EFNA5: variants seen among roughly 807,000 people sequenced by gnomAD.
EFNA5 encodes the protein ephrin-A5.
A neutral mutation model predicts 22.9 loss-of-function variants in EFNA5; 5 were observed. The ratio of observed to expected loss-of-function variants is 0.22; its 90% CI spans 0.11 to 0.46. The LOEUF (loss-of-function observed/expected upper bound fraction) is 0.46. Ranked by LOEUF, EFNA5 falls within the 20% of genes least tolerant of loss-of-function variation. EFNA5 has a pLI of 0.99. For synonymous variants in EFNA5, 113 were observed against 112.2 expected (o/e 1.01, Z -0.04); for missense variants, 237 against 293.3 (o/e 0.81, Z 1.40).
At chr5:107,603,496 G>T (rs992008325) in intron 1 of EFNA5, among the ~76,000 whole-genome samples, 1 of 152,096 alleles carries the variant, frequency 6.6e-6, no homozygotes, top group Non-Finnish European at 1.5e-5. Flanking sequence ...TGAACAATAC[G>T]CATGAACCAA....
chr5:107,576,387 TA>T (rs1748928445), intron 1 of EFNA5, among the ~76,000 whole-genome samples: 2 of 152,182 alleles, frequency 1.3e-5, no homozygotes, highest in Non-Finnish European at 2.9e-5. Flanking sequence ...AGAATGCTAT[TA>T]GGGGGCACCA....
chr5:107,633,357 T>C (rs1479843291), intron 1 of EFNA5, among the ~76,000 whole-genome samples: 3 of 152,200 alleles, frequency 2.0e-5, no homozygotes, highest in Non-Finnish European at 2.9e-5. Flanking sequence ...CCTGTCCCTT[T>C]CAGCATGGAC....
chr5:107,383,166 C>T (rs549673379), intron 4 of EFNA5, among the ~76,000 whole-genome samples: 1 of 152,272 alleles, frequency 6.6e-6, no homozygotes, highest in Admixed American at 6.5e-5. Flanking sequence ...ATTTTAGCCT[C>T]CCCTCGAATA....
At chr5:107,637,445 G>A (rs891925686) in intron 1 of EFNA5, among the ~76,000 whole-genome samples, 39 of 152,156 alleles carry the variant, frequency 2.6e-4, no homozygotes, top group African/African-American at 9.4e-4. Context: ...GCTTCAGAGA[G>A]AGAAAGCATA....
intron 1 of EFNA5, among the ~76,000 whole-genome samples, chr5:107,583,255 G>A (rs549065682): frequency 1.3e-5 from 2 of 152,226 alleles, no homozygotes; most frequent in South Asian, 4.1e-4. Context: ...CATCCTAAGA[G>A]AATGTCCAAA....
chr5:107,656,276 A>G (rs114388020), intron 1 of EFNA5, among the ~76,000 whole-genome samples: 1 of 152,300 alleles, frequency 6.6e-6, no homozygotes, highest in Non-Finnish European at 1.5e-5. Context: ...TACAAAGGAG[A>G]TTCAAAATCC....
intron 1 of EFNA5, among the ~76,000 whole-genome samples, chr5:107,468,528 T>C (rs1363875020): frequency 6.6e-6 from 1 of 152,206 alleles, no homozygotes; most frequent in African/African-American, 2.4e-5. Flanking sequence ...GCCAGGTGAC[T>C]GTCCTTAGAA....
At chr5:107,556,154 T>C (rs1436568832) in intron 1 of EFNA5, among the ~76,000 whole-genome samples, 1 of 152,220 alleles carries the variant, frequency 6.6e-6, no homozygotes, top group Non-Finnish European at 1.5e-5. Flanking sequence ...ATAAACATGC[T>C]ATCCCCATCA....
intron 1 of EFNA5, among the ~76,000 whole-genome samples, chr5:107,575,386 C>T (rs35433400): frequency 0.17 from 26,581 of 152,116 alleles, 3,026 homozygotes; most frequent in Non-Finnish European, 0.26. Context: ...AGGACACATA[C>T]CATGTATCCC....
chr5:107,448,527 G>A (rs1489025820), intron 1 of EFNA5, among the ~76,000 whole-genome samples: 1 of 151,952 alleles, frequency 6.6e-6, no homozygotes, highest in Non-Finnish European at 1.5e-5. Context: ...AGGAACATCG[G>A]AAGGTTAAAA....
chr5:107,395,034 C>CTTTTTTT lies in EFNA5; in HGVS notation c.419-7270_419-7264dup, dbSNP rs58619326. On this transcript the variant is annotated intron_variant, in intron 2 of 4. Coordinates refer to ENST00000333274, the MANE Select transcript of EFNA5 (RefSeq NM_001962.3). ...CCCCTTATAAGAAGGATTTCTAGTTCTTTTTTTTTTTTTTTTTTCCGCGAG... is the reference window on the plus strand; with the variant it reads ...CCCCTTATAAGAAGGATTTCTAGTTCTTTTTTTTTTTTTTTTTTTTTTTTTCCGCGAG... Among the ~76,000 whole-genome samples the CTTTTTTT allele has an allele frequency of 1.4e-4, 12 of 86,142 alleles. 2 individuals carry two copies. The highest frequency in any genetic ancestry group is 0.021 in the Middle Eastern group (2 of 96). The allele number at this position is 86,142 out of a possible 152,430, so 56.5% of individuals were successfully genotyped here. A position where few individuals can be genotyped will look rare whatever the true frequency, so the allele number is the denominator to read the frequency against.
At chr5:107,592,012 TATA>T (rs1340721200) in intron 1 of EFNA5, among the ~76,000 whole-genome samples, 951 of 47,838 alleles carry the variant, frequency 0.02, 116 homozygotes, top group Non-Finnish European at 0.025. Flanking sequence ...ATATAATATA[TATA>T]ATATAATATA....
chr5:107,667,216 T>C lies in EFNA5; in HGVS notation c.125+3273A>G, dbSNP rs1169796802. ...TCAAACTGATAGTTCTGAGTGGCTA[T>C]TTCACAAATTTGTGCCAATTCAACA... On this transcript the variant is annotated intron_variant, in intron 1 of 4. Coordinates refer to ENST00000333274, the MANE Select transcript of EFNA5 (RefSeq NM_001962.3). Among the ~76,000 whole-genome samples, 4 of 152,202 alleles carry C rather than the reference T, an allele frequency of 2.6e-5. No homozygotes were observed. In the East Asian group the frequency reaches 7.7e-4, roughly 29 times the overall value.
intron 1 of EFNA5, among the ~76,000 whole-genome samples, chr5:107,654,175 G>C (rs1750783265): frequency 6.6e-6 from 1 of 152,000 alleles, no homozygotes; most frequent in Non-Finnish European, 1.5e-5. Flanking sequence ...GCTTACTATG[G>C]GACAGCATGT....
At chr5:107,492,731 G>T (rs368252648) in intron 1 of EFNA5, among the ~76,000 whole-genome samples, 3 of 152,308 alleles carry the variant, frequency 2.0e-5, no homozygotes, top group Middle Eastern at 3.4e-3. Flanking sequence ...GAGCACGGTG[G>T]ATCATGCCTG....
chr5:107,619,521 G>A (rs529603094), intron 1 of EFNA5, among the ~76,000 whole-genome samples: 330 of 150,512 alleles, frequency 2.2e-3, no homozygotes, highest in Non-Finnish European at 2.5e-3. Context: ...GGAGTGCAGT[G>A]GTCTGATCTC....
At chr5:107,640,649 G>A (rs1750480452) in intron 1 of EFNA5, among the ~76,000 whole-genome samples, 2 of 152,214 alleles carry the variant, frequency 1.3e-5, no homozygotes, top group African/African-American at 4.8e-5. Flanking sequence ...CTTCACCAGA[G>A]GAATACATGG....
At chr5:107,556,757 T>TAAAA (rs1748427655) in intron 1 of EFNA5, among the ~76,000 whole-genome samples, 1 of 93,368 alleles carries the variant, frequency 1.1e-5, no homozygotes, top group South Asian at 3.8e-4. Flanking sequence ...AAAATAAAAA[T>TAAAA]AAATAAATAA....
intron 1 of EFNA5, among the ~76,000 whole-genome samples, chr5:107,464,912 C>T (rs181234202): frequency 1.3e-4 from 20 of 152,298 alleles, no homozygotes; most frequent in Admixed American, 7.8e-4. Context: ...ATGTTCGCAG[C>T]CATCCCTCTG....
Sources: allele counts gnomAD v4.1 joint callset (sites outside exome capture counted in the v4.1 genomes callset), GRCh38; gene constraint gnomAD v4.1.1; transcripts MANE v1.5; gene names NCBI Gene and HGNC (gene_info 2026-07-23, HGNC 2026-07-21).